STXBP5L: variants seen among roughly 807,000 people sequenced by gnomAD.
STXBP5L encodes syntaxin binding protein 5L, also known as syntaxin-binding protein 5-like.
Under a neutral mutation model 144.5 loss-of-function variants are expected in STXBP5L, and 65 were observed. The ratio of observed to expected loss-of-function variants is 0.45; its 90% confidence interval spans 0.37 to 0.55. The LOEUF is 0.55. STXBP5L is among the 20% of genes least tolerant of loss of function. The probability of loss-of-function intolerance (pLI) is 0.00; values close to 1 mark genes in which losing one functional copy is unlikely to be tolerated. For missense variants in STXBP5L, 1,298 were observed against 1,405.5 expected, an observed-to-expected ratio of 0.92 and a Z score of 1.22; for synonymous variants, 505 against 469.6, an observed-to-expected ratio of 1.08 and a Z score of -0.97.
intron 20 of STXBP5L, among the ~76,000 whole-genome samples, chr3:121,377,552 G>A (rs1000554390): frequency 1.3e-5 from 2 of 151,724 alleles, no homozygotes. Flanking sequence ...AAAAGAAGTG[G>A]CCAAAAAACA....
intron 3 of STXBP5L, among the ~76,000 whole-genome samples, chr3:121,029,023 TAA>T (rs1406236653): frequency 6.6e-6 from 1 of 151,902 alleles, no homozygotes; most frequent in Admixed American, 6.6e-5. Context: ...CTCAAGAAAA[TAA>T]GAGAGGACAC....
At chr3:121,193,635 T>C (rs1414591350) in intron 9 of STXBP5L, among the ~76,000 whole-genome samples, 1 of 152,200 alleles carries the variant, frequency 6.6e-6, no homozygotes, top group Non-Finnish European at 1.5e-5. Flanking sequence ...TGGAATACTA[T>C]GCAGCCATAA....
intron 2 of STXBP5L, among the ~76,000 whole-genome samples, chr3:120,950,742 T>C (rs1342653120): frequency 6.6e-6 from 1 of 152,122 alleles, no homozygotes; most frequent in Non-Finnish European, 1.5e-5. Context: ...AAGTAATTTA[T>C]AGATTCAATG....
rs983438402 is a variant in STXBP5L, at chr3:121,420,519, A to G, written c.*1422A>G. The G allele has an allele frequency of 2.0e-5, 3 of 152,188 alleles. No homozygotes were observed. The highest frequency in any genetic ancestry group is 2.0e-4 in the Admixed American group (3 of 15,270). The allele number at this position is 152,188 out of a possible 1,614,324, so 9.4% of individuals were successfully genotyped here. A position where few individuals can be genotyped will look rare whatever the true frequency, so the allele number is the denominator to read the frequency against. ...ATCCTTAACATGATACAAGGTATCT[A>G]TAACTCACCAGAAAAGCACCAGAGT... is the stretch of plus-strand genomic sequence containing the variant. On this transcript the variant is annotated 3_prime_UTR_variant, in exon 27 of 27. Transcript: ENST00000471454.
chr3:121,020,954 C>T (rs956245647), intron 3 of STXBP5L, among the ~76,000 whole-genome samples: 9 of 151,862 alleles, frequency 5.9e-5, no homozygotes, highest in Admixed American at 5.9e-4. Flanking sequence ...CCTAATTTCT[C>T]CACTTGAAAG....
chr3:121,052,341 C>T (rs1459863511), intron 5 of STXBP5L, among the ~76,000 whole-genome samples: 1 of 152,092 alleles, frequency 6.6e-6, no homozygotes, highest in Non-Finnish European at 1.5e-5. Flanking sequence ...ATGCAAAAAT[C>T]CTCAATAAAA....
intron 10 of STXBP5L, among the ~76,000 whole-genome samples, chr3:121,221,836 A>G (rs1295531918): frequency 6.6e-6 from 1 of 151,878 alleles, no homozygotes; most frequent in Non-Finnish European, 1.5e-5. Context: ...AGAAAATAAT[A>G]CACACATTTT....
At chr3:121,322,614 G>C (rs1465517057) in intron 20 of STXBP5L, among the ~76,000 whole-genome samples, 5 of 150,030 alleles carry the variant, frequency 3.3e-5, no homozygotes, top group African/African-American at 1.2e-4. Context: ...ATTGTGTATA[G>C]TGTTGCAATG....
At chr3:121,382,037 G>T (rs1330103454) in intron 22 of STXBP5L, among the ~76,000 whole-genome samples, 1 of 151,954 alleles carries the variant, frequency 6.6e-6, no homozygotes, top group African/African-American at 2.4e-5. Context: ...AGTGCCTAGA[G>T]AATTTGACCA....
intron 3 of STXBP5L, among the ~76,000 whole-genome samples, chr3:120,996,245 C>G (rs919088185): frequency 2.6e-5 from 4 of 151,644 alleles, no homozygotes; most frequent in East Asian, 1.9e-4. Flanking sequence ...CTGGGTTTAT[C>G]TTATTTGGTG....
At chr3:121,046,620 A>G (rs1041030138) in intron 5 of STXBP5L, among the ~76,000 whole-genome samples, 1 of 151,854 alleles carries the variant, frequency 6.6e-6, no homozygotes, top group African/African-American at 2.4e-5. Flanking sequence ...GTATTCATTT[A>G]TTTTAGGTTT....
intron 9 of STXBP5L, among the ~76,000 whole-genome samples, chr3:121,163,463 C>T (rs996284826): frequency 2.0e-5 from 3 of 151,962 alleles, no homozygotes; most frequent in African/African-American, 7.3e-5. Context: ...AGGACAAATA[C>T]CTAATGCATG....
chr3:121,352,734 G>A (rs1024093206), intron 20 of STXBP5L, among the ~76,000 whole-genome samples: 18 of 152,040 alleles, frequency 1.2e-4, no homozygotes, highest in African/African-American at 4.4e-4. Context: ...TAGGAGTGGT[G>A]AGAGAGGGTA....
chr3:121,298,218 T>C (rs964138838), intron 19 of STXBP5L, among the ~76,000 whole-genome samples: 4 of 152,232 alleles, frequency 2.6e-5, no homozygotes, highest in African/African-American at 9.6e-5. Context: ...TATCTCATGG[T>C]AGTTTCAATC....
chr3:121,202,986 T>G (rs2048196140), intron 9 of STXBP5L, among the ~76,000 whole-genome samples: 1 of 152,042 alleles, frequency 6.6e-6, no homozygotes, highest in Admixed American at 6.6e-5. Context: ...TTTCCTTTTC[T>G]TCTATTTCAA....
At chr3:121,221,963 G>A (rs1004013524) in intron 10 of STXBP5L, among the ~76,000 whole-genome samples, 4 of 151,792 alleles carry the variant, frequency 2.6e-5, no homozygotes, top group South Asian at 2.1e-4. Flanking sequence ...AGTACAAAAC[G>A]GAAGAGAAAA....
At chr3:120,954,819 G>A (rs1937838176) in intron 2 of STXBP5L, 121 bp from the exon 3 acceptor site, 3 of 657,964 alleles carry the variant, frequency 4.6e-6, no homozygotes, top group African/African-American at 1.9e-5. Context: ...TTAATGTTTG[G>A]TGGTAGCTTT....
intron 2 of STXBP5L, among the ~76,000 whole-genome samples, chr3:120,926,350 G>T (rs143476810): frequency 8.9e-6 from 1 of 112,614 alleles, no homozygotes; most frequent in Non-Finnish European, 1.7e-5. Flanking sequence ...TTCTTGGATG[G>T]CAGTTCTTTT....
chr3:121,212,565 T>C (rs184475387), intron 10 of STXBP5L, among the ~76,000 whole-genome samples: 43 of 152,264 alleles, frequency 2.8e-4, no homozygotes, highest in South Asian at 1.0e-3. Context: ...TCTGTTCCAT[T>C]GGTCTGTATA....
Sources: gnomAD v4.1 joint callset for allele counts (sites outside exome capture counted in the v4.1 genomes callset) on GRCh38, gnomAD v4.1.1 for gene constraint, MANE v1.5 for transcripts, NCBI Gene and HGNC (gene_info 2026-07-23, HGNC 2026-07-21) for gene names.